PLCL2: variants seen among roughly 807,000 people sequenced by gnomAD.
The protein encoded by PLCL2 is phospholipase C like 2, also known as inactive phospholipase C-like protein 2.
PLCL2 carries 4 observed loss-of-function variants against 79.6 expected under a neutral mutation model. The ratio of observed to expected loss-of-function variants is 0.05; its 90% confidence interval spans 0.02 to 0.11. The LOEUF (loss-of-function observed/expected upper bound fraction) is 0.11, where lower values mean the gene tolerates loss of function less well. Ranked by LOEUF, PLCL2 falls within the 10% of genes least tolerant of loss-of-function variation. The probability of loss-of-function intolerance (pLI) is 1.00; values close to 1 mark genes in which losing one functional copy is unlikely to be tolerated. For missense variants in PLCL2, 895 were observed against 1,291.0 expected (o/e 0.69, Z 4.70); for synonymous variants, 484 against 457.7 (o/e 1.06, Z -0.73).
intron 3 of PLCL2, among the ~76,000 whole-genome samples, chr3:17,015,469 A>G (rs764095611): frequency 2.0e-5 from 3 of 152,112 alleles, no homozygotes; most frequent in Non-Finnish European, 2.9e-5. Flanking sequence ...TCTACTTAAG[A>G]TTTACCTTGC....
At chr3:17,068,625 A>G (rs1229797148) in intron 5 of PLCL2, among the ~76,000 whole-genome samples, 2 of 152,202 alleles carry the variant, frequency 1.3e-5, no homozygotes, top group African/African-American at 4.8e-5. Flanking sequence ...GTTAAAAATT[A>G]ACTTTTTATT....
chr3:17,084,386 A>G (rs573667063), intron 5 of PLCL2, among the ~76,000 whole-genome samples: 6 of 152,354 alleles, frequency 3.9e-5, no homozygotes, highest in African/African-American at 1.4e-4. Flanking sequence ...TCTCTACAAT[A>G]TCTTCCAGAA....
chr3:16,969,054 G>A (rs2063833142), intron 1 of PLCL2, among the ~76,000 whole-genome samples: 1 of 152,096 alleles, frequency 6.6e-6, no homozygotes, highest in South Asian at 2.1e-4. Context: ...TTACTGATTT[G>A]TGTATGTTGA....
At chr3:17,006,483 G>A (rs908807362) in intron 1 of PLCL2, among the ~76,000 whole-genome samples, 1 of 152,162 alleles carries the variant, frequency 6.6e-6, no homozygotes, top group African/African-American at 2.4e-5. Flanking sequence ...GCTCACATCT[G>A]TTCTCTTCCT....
At chr3:16,987,506 C>T (rs1299023713) in intron 1 of PLCL2, among the ~76,000 whole-genome samples, 1 of 152,090 alleles carries the variant, frequency 6.6e-6, no homozygotes, top group African/African-American at 2.4e-5. Context: ...ATCTTTACAA[C>T]ATTGTTGAAT....
chr3:16,973,890 T>G (rs2063898264), intron 1 of PLCL2, among the ~76,000 whole-genome samples: 1 of 152,156 alleles, frequency 6.6e-6, no homozygotes, highest in Non-Finnish European at 1.5e-5. Context: ...ACAATGATGG[T>G]AAGTATTACA....
At chr3:17,019,796 T>C (rs566542306) in intron 3 of PLCL2, among the ~76,000 whole-genome samples, 1 of 150,840 alleles carries the variant, frequency 6.6e-6, no homozygotes, top group Admixed American at 6.6e-5. Flanking sequence ...AAAACAAAAG[T>C]TTATTTTACT....
rs1390912980 is a variant in PLCL2, at chr3:16,920,588, A to G, written c.327+35222A>G. On this transcript the variant is annotated intron_variant, in intron 1 of 5. Transcript: ENST00000615277. ...AGTGCTTTGAGCCCTGTGAGTGGCT[A>G]TTACACACTAGCATGGCTATTGATG... Among the ~76,000 whole-genome samples, 4 of 152,196 alleles carry G rather than the reference A, an allele frequency of 2.6e-5. 1 individual carries two copies. Among genetic ancestry groups the G allele is most frequent in the African/African-American group, 7.2e-5 (3 of 41,464 alleles).
rs577928849 is a variant in PLCL2 at position 16,886,155 on chromosome 3, A to T, written c.327+789A>T. On this transcript the variant is annotated intron_variant, in intron 1 of 5. Coordinates refer to ENST00000615277, the MANE Select transcript of PLCL2 (RefSeq NM_001144382.2). The surrounding 1 kb of genome is among the most constrained non-coding windows in gnomAD (Gnocchi z 4.2). ...GAACTCCCGAGTTTGTGTTAGTTTCATTCTAATGTTACATTTTGGTTCGCA... is the reference window on the plus strand; with the variant it reads ...GAACTCCCGAGTTTGTGTTAGTTTCTTTCTAATGTTACATTTTGGTTCGCA... Among the ~76,000 whole-genome samples the T allele has an allele frequency of 6.6e-6, 1 of 152,192 alleles. No individual in the cohort carries two copies. The highest frequency in any genetic ancestry group is 1.5e-5 in the Non-Finnish European group (1 of 68,044).
chr3:16,970,058 A>ATAT (rs1553640074), intron 1 of PLCL2, among the ~76,000 whole-genome samples: 1 of 145,756 alleles, frequency 6.9e-6, no homozygotes, highest in African/African-American at 2.5e-5. Flanking sequence ...ATATATATAT[A>ATAT]TTTTATTTTA....
intron 2 of PLCL2, among the ~76,000 whole-genome samples, chr3:17,012,930 G>A (rs1260653329): frequency 6.6e-6 from 1 of 152,070 alleles, no homozygotes; most frequent in Non-Finnish European, 1.5e-5. Flanking sequence ...TGTTTATTTT[G>A]TATTTTAAAA....
At chr3:16,942,468 A>G (rs142670691) in intron 1 of PLCL2, among the ~76,000 whole-genome samples, 1 of 152,268 alleles carries the variant, frequency 6.6e-6, no homozygotes, top group Non-Finnish European at 1.5e-5. Flanking sequence ...AAAGAGAAGG[A>G]GTGCGTCCTT....
intron 5 of PLCL2, among the ~76,000 whole-genome samples, chr3:17,079,667 C>T (rs943290389): frequency 5.9e-5 from 9 of 152,188 alleles, no homozygotes; most frequent in Non-Finnish European, 1.2e-4. Context: ...GAGCCCCCAA[C>T]CCTCCGTCTT....
Position 16,886,764 on chromosome 3 carries a change from A to T in PLCL2, c.327+1398A>T, listed in dbSNP as rs1696234100. On this transcript the variant is annotated intron_variant, in intron 1 of 5. Transcript: ENST00000615277. This position sits in a 1 kb window ranked among gnomAD's most constrained non-coding sequence, Gnocchi z 4.2. ...TACTCTGTAGCTTATGTTTCCATGGAAGTTGCTTTCAACTGTGCATGATAA... is the reference window on the plus strand; with the variant it reads ...TACTCTGTAGCTTATGTTTCCATGGTAGTTGCTTTCAACTGTGCATGATAA... Among the ~76,000 whole-genome samples, 1 of 152,214 alleles carries T rather than the reference A, an allele frequency of 6.6e-6. No homozygotes were observed. Among genetic ancestry groups the T allele is most frequent in the Non-Finnish European group, 1.5e-5 (1 of 68,038 alleles).
At chr3:17,039,376 G>A (rs2064694416) in intron 3 of PLCL2, among the ~76,000 whole-genome samples, 1 of 152,226 alleles carries the variant, frequency 6.6e-6, no homozygotes, top group Non-Finnish European at 1.5e-5. Context: ...TTCACCTGGT[G>A]TTGCTATAGG....
rs146465108 is a variant in PLCL2, at chr3:17,010,069, C to A, written c.723C>A (p.Ile241=). 2 of 1,613,116 alleles carry A rather than the reference C, an allele frequency of 1.2e-6. No homozygotes were observed. The highest frequency in any genetic ancestry group is 1.3e-5 in the African/African-American group (1 of 74,898). ...LVANSADVAN[I]WVTGLRYLIS... is the part of the protein sequence containing the mutation. ...CCAACTCCGCAGATGTTGCAAACATCTGGGTTACAGGACTGCGGTACCTAA... is the reference window on the plus strand; with the variant it reads ...CCAACTCCGCAGATGTTGCAAACATATGGGTTACAGGACTGCGGTACCTAA... The change falls in exon 2 of 6, where the codon ATC becomes ATA. Residue 241 remains isoleucine, a synonymous_variant. Transcript: ENST00000615277. This position sits in a 1 kb window ranked among gnomAD's most constrained non-coding sequence, Gnocchi z 5.8.
At chr3:17,017,828 T>C (rs1234093516) in intron 3 of PLCL2, among the ~76,000 whole-genome samples, 1 of 152,004 alleles carries the variant, frequency 6.6e-6, no homozygotes, top group Non-Finnish European at 1.5e-5. Context: ...ATCTAGACTG[T>C]ATTAATAAAA....
intron 1 of PLCL2, among the ~76,000 whole-genome samples, chr3:16,990,358 A>G (rs1013165294): frequency 6.6e-6 from 1 of 152,170 alleles, no homozygotes; most frequent in East Asian, 1.9e-4. Flanking sequence ...TACTCTATAA[A>G]GGGCTGCCTG....
intron 4 of PLCL2, among the ~76,000 whole-genome samples, chr3:17,062,666 A>C (rs541442010): frequency 6.6e-6 from 1 of 152,392 alleles, no homozygotes; most frequent in South Asian, 2.1e-4. Flanking sequence ...TTTGTTAAAC[A>C]ATTAACTTCA....
Sources: allele counts gnomAD v4.1 joint callset (sites outside exome capture counted in the v4.1 genomes callset), GRCh38; gene constraint gnomAD v4.1.1; non-coding constraint Gnocchi (gnomAD v3.1); transcripts MANE v1.5; gene names NCBI Gene and HGNC (gene_info 2026-07-23, HGNC 2026-07-21).